TRPC4: variants seen among roughly 807,000 people sequenced by gnomAD.
The protein encoded by TRPC4 is short transient receptor potential channel 4.
Under a neutral mutation model 99.4 loss-of-function variants are expected in TRPC4, and 49 were observed. That is an observed-to-expected ratio of 0.49 (90% CI 0.39 to 0.63). The LOEUF is 0.63. TRPC4 is among the 20% of genes least tolerant of loss of function. The probability of loss-of-function intolerance (pLI) is 0.00; values close to 1 mark genes in which losing one functional copy is unlikely to be tolerated. For missense variants in TRPC4, 898 were observed against 1,152.9 expected (o/e 0.78, Z 3.20); for synonymous variants, 454 against 425.9 (o/e 1.07, Z -0.81).
intron 2 of TRPC4, among the ~76,000 whole-genome samples, chr13:37,772,582 A>G (rs1304518733): frequency 6.6e-6 from 1 of 151,824 alleles, no homozygotes; most frequent in Non-Finnish European, 1.5e-5. Context: ...GGAGGAAAGT[A>G]AAACATATTT....
chr13:37,751,137 G>A (rs1955921841), intron 2 of TRPC4, among the ~76,000 whole-genome samples: 1 of 151,892 alleles, frequency 6.6e-6, no homozygotes, highest in African/African-American at 2.4e-5. Flanking sequence ...TAAAATGCAG[G>A]ACAATGGAAG....
chr13:37,732,491 A>G (rs1955270315), intron 3 of TRPC4, among the ~76,000 whole-genome samples: 1 of 152,176 alleles, frequency 6.6e-6, no homozygotes, highest in Admixed American at 6.6e-5. Flanking sequence ...AGAAAAAAAT[A>G]AAAAGTATCC....
chr13:37,827,741 C>T (rs1376474555), intron 1 of TRPC4, among the ~76,000 whole-genome samples: 4 of 152,182 alleles, frequency 2.6e-5, no homozygotes, highest in South Asian at 2.1e-4. Context: ...CTGTGCCCTG[C>T]CCCCAGAGGT....
At chr13:37,699,398 T>G (rs1425772978) in intron 3 of TRPC4, among the ~76,000 whole-genome samples, 1 of 152,072 alleles carries the variant, frequency 6.6e-6, no homozygotes, top group Non-Finnish European at 1.5e-5. Context: ...TAATAATAAT[T>G]AAAAGATTTA....
intron 2 of TRPC4, among the ~76,000 whole-genome samples, chr13:37,767,441 T>C (rs1328357987): frequency 6.6e-6 from 1 of 151,286 alleles, no homozygotes; most frequent in Admixed American, 6.6e-5. Flanking sequence ...TACAGACTTG[T>C]ATAGAATATT....
chr13:37,690,640 A>G (rs1312117047), intron 4 of TRPC4, among the ~76,000 whole-genome samples: 1 of 152,024 alleles, frequency 6.6e-6, no homozygotes, highest in Non-Finnish European at 1.5e-5. Context: ...CATTTTACCC[A>G]CTTTAGATTA....
chr13:37,794,321 G>A (rs916156389), intron 1 of TRPC4, among the ~76,000 whole-genome samples: 1 of 152,050 alleles, frequency 6.6e-6, no homozygotes, highest in Non-Finnish European at 1.5e-5. Context: ...TTAATAACTA[G>A]CAAAGTCTCT....
chr13:37,742,804 T>A (rs1000819042), intron 3 of TRPC4, among the ~76,000 whole-genome samples: 1 of 152,198 alleles, frequency 6.6e-6, no homozygotes, highest in Non-Finnish European at 1.5e-5. Context: ...ATGATCTTAC[T>A]AGAAAACCTT....
At chr13:37,832,308 G>A (rs558346630) in intron 1 of TRPC4, among the ~76,000 whole-genome samples, 175 of 152,284 alleles carry the variant, frequency 1.1e-3, no homozygotes, top group Admixed American at 1.8e-3. Context: ...TTGGGAGGCT[G>A]AGGCGGGCAG....
chr13:37,690,016 G>T (rs540511766), intron 4 of TRPC4, among the ~76,000 whole-genome samples: 12 of 152,182 alleles, frequency 7.9e-5, no homozygotes. Flanking sequence ...ACATTTTATT[G>T]TATCTATAGT....
At chr13:37,725,073 GAAAC>G (rs997632719) in intron 3 of TRPC4, among the ~76,000 whole-genome samples, 37 of 152,052 alleles carry the variant, frequency 2.4e-4, no homozygotes, top group African/African-American at 8.7e-4. Flanking sequence ...TTTAAAAAAA[GAAAC>G]AAAAAATAAA....
At position 37,632,865 on chromosome 13, in the gene TRPC4, A is replaced by G. The variant is rs1338347610; in HGVS notation, c.*4038T>C. Among the ~76,000 whole-genome samples, 1 of 152,200 alleles carries G rather than the reference A, an allele frequency of 6.6e-6. No homozygotes were observed. On this transcript the variant is annotated 3_prime_UTR_variant, in exon 11 of 11. Transcript: ENST00000379705. Reference sequence around the variant, plus strand: ...AATATGGTATTAATTCTGAATTTTAACTTGAATGTTTGGACAACTATATTT... The same window carrying G: ...AATATGGTATTAATTCTGAATTTTAGCTTGAATGTTTGGACAACTATATTT...
At chr13:37,699,408 A>G (rs760965702) in intron 3 of TRPC4, among the ~76,000 whole-genome samples, 1 of 152,208 alleles carries the variant, frequency 6.6e-6, no homozygotes, top group Non-Finnish European at 1.5e-5. Flanking sequence ...TAAAAGATTT[A>G]TGCAAGGAAA....
intron 3 of TRPC4, among the ~76,000 whole-genome samples, chr13:37,714,154 T>C (rs1346815920): frequency 1.3e-5 from 2 of 151,862 alleles, no homozygotes; most frequent in African/African-American, 2.4e-5. Flanking sequence ...CTTTTTTTTG[T>C]CTTACTCTGT....
At chr13:37,662,493 C>T (rs2138684266) in intron 6 of TRPC4, among the ~76,000 whole-genome samples, 1 of 152,218 alleles carries the variant, frequency 6.6e-6, no homozygotes, top group Admixed American at 6.5e-5. Flanking sequence ...CCAACAAGAG[C>T]ATTTTAGCTG....
intron 1 of TRPC4, among the ~76,000 whole-genome samples, chr13:37,825,036 C>G (rs1449326086): frequency 6.6e-6 from 1 of 151,658 alleles, no homozygotes; most frequent in Non-Finnish European, 1.5e-5. Flanking sequence ...TCCATTTCTT[C>G]TAGATTTTCT....
intron 3 of TRPC4, among the ~76,000 whole-genome samples, chr13:37,713,382 C>A (rs756983163): frequency 6.6e-6 from 1 of 152,174 alleles, no homozygotes; most frequent in Non-Finnish European, 1.5e-5. Flanking sequence ...TAATCAACCT[C>A]TAAAGATTGC....
intron 2 of TRPC4, among the ~76,000 whole-genome samples, chr13:37,770,718 T>C (rs1956528230): frequency 6.6e-6 from 1 of 151,588 alleles, no homozygotes; most frequent in Non-Finnish European, 1.5e-5. Context: ...AACATTAATT[T>C]ATCGAATACA....
chr13:37,803,634 T>C (rs1042180883), intron 1 of TRPC4, among the ~76,000 whole-genome samples: 2 of 152,116 alleles, frequency 1.3e-5, no homozygotes, highest in African/African-American at 4.8e-5. Context: ...ATATGGCCAC[T>C]GCTTTTATTA....
Sources: gnomAD v4.1 joint callset for allele counts (sites outside exome capture counted in the v4.1 genomes callset) on GRCh38, gnomAD v4.1.1 for gene constraint, MANE v1.5 for transcripts, NCBI Gene and HGNC (gene_info 2026-07-23, HGNC 2026-07-21) for gene names.